LARGE1: variants seen among roughly 807,000 people sequenced by gnomAD.
LARGE1 encodes xylosyl- and glucuronyltransferase LARGE1.
In LARGE1, 43 loss-of-function variants were observed where a neutral mutation model predicts 87.6. That is an observed-to-expected ratio of 0.49 (90% CI 0.38 to 0.63). The LOEUF is 0.63. Among genes scored for constraint, LARGE1 ranks in the 30% least tolerant of loss-of-function variants. The probability of loss-of-function intolerance (pLI) is 0.00; values close to 1 mark genes in which losing one functional copy is unlikely to be tolerated. For missense variants in LARGE1, 802 were observed against 1,000.2 expected (o/e 0.80, Z 2.67); for synonymous variants, 434 against 394.6 (o/e 1.10, Z -1.18).
intron 11 of LARGE1, among the ~76,000 whole-genome samples, chr22:33,260,243 G>A (rs1446986437): frequency 1.3e-5 from 2 of 152,096 alleles, no homozygotes; most frequent in African/African-American, 2.4e-5. Context: ...TGTAAGGCGT[G>A]GCATGCCCCC....
chr22:33,815,765 T>C (rs1325435165), intron 1 of LARGE1, among the ~76,000 whole-genome samples: 1 of 152,214 alleles, frequency 6.6e-6, no homozygotes, highest in Non-Finnish European at 1.5e-5. Flanking sequence ...GGAAGGCATG[T>C]ATGTATTCAC....
intron 11 of LARGE1, among the ~76,000 whole-genome samples, chr22:33,224,190 T>C (rs1347570752): frequency 6.6e-6 from 1 of 151,740 alleles, no homozygotes; most frequent in East Asian, 1.9e-4. Context: ...GGTGTGAACC[T>C]GGGAGGCAGA....
intron 2 of LARGE1, among the ~76,000 whole-genome samples, chr22:33,738,406 G>T (rs1328459353): frequency 6.6e-6 from 1 of 152,148 alleles, no homozygotes; most frequent in Non-Finnish European, 1.5e-5. Context: ...CTAGCATCAG[G>T]CATTTGGAAA....
chr22:33,722,373 A>G (rs889989536), intron 2 of LARGE1, among the ~76,000 whole-genome samples: 2 of 149,774 alleles, frequency 1.3e-5, no homozygotes, highest in African/African-American at 2.5e-5. Flanking sequence ...GAAGAAAGGA[A>G]AGGAAGGAAA....
the LARGE1 span, among the ~76,000 whole-genome samples, chr22:33,082,800 T>C: frequency 5.9e-5 from 9 of 151,840 alleles, no homozygotes; most frequent in African/African-American, 2.2e-4. Context: ...CTGAGGTGGG[T>C]GGATCATGAG....
intron 1 of LARGE1, among the ~76,000 whole-genome samples, chr22:33,874,757 G>A: frequency 6.6e-6 from 1 of 152,108 alleles, no homozygotes; most frequent in African/African-American, 2.4e-5. Context: ...TTCCTTGTCT[G>A]TTAAACATGG....
intron 9 of LARGE1, among the ~76,000 whole-genome samples, chr22:33,347,719 T>C (rs557629202): frequency 6.6e-6 from 1 of 152,288 alleles, no homozygotes; most frequent in South Asian, 2.1e-4. Context: ...GAGCTGCACT[T>C]AGTTGCTATG....
intron 10 of LARGE1, among the ~76,000 whole-genome samples, chr22:33,332,034 G>C (rs2283888): frequency 0.16 from 24,050 of 151,962 alleles, 3,614 homozygotes; most frequent in African/African-American, 0.4. Flanking sequence ...ACTCAACAGT[G>C]ACTGCAAGAG....
chr22:33,426,688 G>C (rs1313836697), intron 7 of LARGE1, among the ~76,000 whole-genome samples: 3 of 152,198 alleles, frequency 2.0e-5, no homozygotes, highest in African/African-American at 7.2e-5. Context: ...CCTCAGAGGT[G>C]AGCCAGTCCT....
chr22:33,115,717 CTG>C, the LARGE1 span, among the ~76,000 whole-genome samples: 2 of 150,046 alleles, frequency 1.3e-5, no homozygotes, highest in African/African-American at 2.5e-5. Flanking sequence ...ACTCGGGACG[CTG>C]AGGCAGAAAA....
chr22:33,379,499 C>T (rs531382835), intron 9 of LARGE1, among the ~76,000 whole-genome samples: 1 of 152,054 alleles, frequency 6.6e-6, no homozygotes, highest in Non-Finnish European at 1.5e-5. Flanking sequence ...AAGACACATG[C>T]ACACCTATGT....
At chr22:33,916,458 A>T (rs1370593657) in intron 1 of LARGE1, among the ~76,000 whole-genome samples, 1 of 152,198 alleles carries the variant, frequency 6.6e-6, no homozygotes, top group Non-Finnish European at 1.5e-5. Flanking sequence ...TATAAAATAC[A>T]TTTAACGAAG....
chr22:33,462,884 C>T (rs2068437299), intron 6 of LARGE1, among the ~76,000 whole-genome samples: 1 of 152,120 alleles, frequency 6.6e-6, no homozygotes, highest in African/African-American at 2.4e-5. Flanking sequence ...TTTAAAATAA[C>T]AAGCATGTAA....
chr22:33,662,933 T>C (rs1315225934), intron 2 of LARGE1, among the ~76,000 whole-genome samples: 1 of 152,224 alleles, frequency 6.6e-6, no homozygotes, highest in Non-Finnish European at 1.5e-5. Flanking sequence ...TTTCCTATCT[T>C]CTTTTCCTTC....
At chr22:33,627,664 C>T (rs1243385618) in intron 3 of LARGE1, among the ~76,000 whole-genome samples, 1 of 152,148 alleles carries the variant, frequency 6.6e-6, no homozygotes, top group African/African-American at 2.4e-5. Context: ...CCCAGGCCTC[C>T]TTCATCACCC....
At chr22:33,410,240 G>A (rs899735609) in intron 7 of LARGE1, among the ~76,000 whole-genome samples, 3 of 152,242 alleles carry the variant, frequency 2.0e-5, no homozygotes, top group Non-Finnish European at 2.9e-5. Flanking sequence ...ACAGCACGAC[G>A]TTGTTATGAC....
At chr22:33,344,253 T>G (rs1939482631) in intron 9 of LARGE1, among the ~76,000 whole-genome samples, 2 of 152,180 alleles carry the variant, frequency 1.3e-5, no homozygotes, top group South Asian at 4.1e-4. Flanking sequence ...TTTCTTTCTA[T>G]TATATCTCAT....
intron 2 of LARGE1, among the ~76,000 whole-genome samples, chr22:33,681,047 TCA>T (rs3831698): frequency 0.19 from 28,782 of 152,068 alleles, 2,920 homozygotes; most frequent in African/African-American, 0.26. Flanking sequence ...TTTAAAAATA[TCA>T]CAGTGTTTTA....
intron 1 of LARGE1, among the ~76,000 whole-genome samples, chr22:33,866,291 G>A (rs767975451): frequency 1.1e-4 from 16 of 152,170 alleles, no homozygotes; most frequent in Non-Finnish European, 2.1e-4. Context: ...CAGCATATAG[G>A]GGGCTGTTTT....
Sources: allele counts gnomAD v4.1 joint callset (sites outside exome capture counted in the v4.1 genomes callset), GRCh38; gene constraint gnomAD v4.1.1; transcripts MANE v1.5; gene names NCBI Gene and HGNC (gene_info 2026-07-23, HGNC 2026-07-21).